The following RBMS3 variants were observed in gnomAD, a reference collection of about 807,000 sequenced individuals.
RBMS3 encodes RNA binding motif single stranded interacting protein 3.
RBMS3 carries 27 observed loss-of-function variants against 66.8 expected under a neutral mutation model. The observed-to-expected ratio is 0.40, with a 90% CI of 0.30 to 0.56. The LOEUF is 0.56. Among genes scored for constraint, RBMS3 ranks in the 20% least tolerant of loss-of-function variants. RBMS3 has a pLI of 0.40. For missense variants in RBMS3, 513 were observed against 549.5 expected (o/e 0.93, Z 0.66); for synonymous variants, 188 against 183.0 (o/e 1.03, Z -0.22).
At chr3:29,357,900 G>GT (rs150292291) in intron 1 of RBMS3, among the ~76,000 whole-genome samples, 6 of 151,784 alleles carry the variant, frequency 4.0e-5, no homozygotes, top group East Asian at 1.9e-4. Flanking sequence ...GGGGTTGTTT[G>GT]TTTTTTTTCT....
intron 6 of RBMS3, among the ~76,000 whole-genome samples, chr3:29,828,163 T>A (rs955889590): frequency 5.3e-5 from 8 of 152,142 alleles, no homozygotes; most frequent in Admixed American, 2.6e-4. Flanking sequence ...TTAGCCGTGC[T>A]GTCCTGGAAA....
chr3:29,982,810 G>A (rs544953265), intron 12 of RBMS3, among the ~76,000 whole-genome samples: 1 of 152,264 alleles, frequency 6.6e-6, no homozygotes, highest in Admixed American at 6.5e-5. Context: ...TTTTGCATTT[G>A]CTGAGGAGTG....
intron 3 of RBMS3, among the ~76,000 whole-genome samples, chr3:29,550,149 T>G (rs1029698607): frequency 1.3e-5 from 2 of 152,244 alleles, no homozygotes; most frequent in Admixed American, 1.3e-4. Flanking sequence ...GGTTCTGTTT[T>G]AGTTAGGACA....
At chr3:29,482,945 A>C (rs1283064581) in intron 2 of RBMS3, among the ~76,000 whole-genome samples, 1 of 151,630 alleles carries the variant, frequency 6.6e-6, no homozygotes, top group African/African-American at 2.4e-5. Context: ...TAACCTCGTG[A>C]TCTACCCACC....
intron 4 of RBMS3, among the ~76,000 whole-genome samples, chr3:29,708,758 A>C (rs1167391193): frequency 6.6e-6 from 1 of 152,182 alleles, no homozygotes; most frequent in Non-Finnish European, 1.5e-5. Context: ...AGGAATCATC[A>C]TAAGAAGACT....
chr3:29,693,441 A>G (rs2052124365), intron 4 of RBMS3, among the ~76,000 whole-genome samples: 1 of 152,172 alleles, frequency 6.6e-6, no homozygotes, highest in Admixed American at 6.5e-5. Flanking sequence ...GTCATGGGCA[A>G]ATATATATCT....
rs1433840752 is a variant in RBMS3, at chr3:29,369,520, ACACACACACACACT to A, written c.76-65222_76-65209del. Among the ~76,000 whole-genome samples, 1,430 of 150,040 alleles carry A rather than the reference ACACACACACACACT, an allele frequency of 9.5e-3. 24 individuals are homozygous for A. The highest frequency in any genetic ancestry group is 0.031 in the East Asian group (160 of 5,088). ...CACACACACACACACACACACACACACACACACACACACTTTGAGTGAGGGTGAGGAGGAGAGAG... is the reference window on the plus strand; with the variant it reads ...CACACACACACACACACACACACACATTGAGTGAGGGTGAGGAGGAGAGAG... On this transcript the variant is annotated intron_variant, in intron 1 of 14. Coordinates refer to ENST00000383767, the MANE Select transcript of RBMS3 (RefSeq NM_001003793.3).
chr3:29,446,879 G>A (rs1377795162), intron 2 of RBMS3, among the ~76,000 whole-genome samples: 1 of 119,740 alleles, frequency 8.4e-6, no homozygotes, highest in Admixed American at 8.2e-5. Flanking sequence ...TTTAAGGAGT[G>A]TTTCTTCAAT....
intron 3 of RBMS3, among the ~76,000 whole-genome samples, chr3:29,490,657 G>T (rs1266372614): frequency 6.6e-6 from 1 of 152,148 alleles, no homozygotes; most frequent in African/African-American, 2.4e-5. Flanking sequence ...CAAAGGAATA[G>T]ATAAGATTAC....
chr3:29,753,912 C>CT (rs2055294017), intron 5 of RBMS3, among the ~76,000 whole-genome samples: 2 of 152,018 alleles, frequency 1.3e-5, no homozygotes, highest in African/African-American at 4.8e-5. Context: ...CAGAGAGAAA[C>CT]TATTTTTTCC....
At chr3:29,780,796 C>A (rs2056604581) in intron 6 of RBMS3, among the ~76,000 whole-genome samples, 1 of 152,106 alleles carries the variant, frequency 6.6e-6, no homozygotes, top group Non-Finnish European at 1.5e-5. Context: ...TCTCACAGAA[C>A]AAGTCCCTGC....
intron 3 of RBMS3, among the ~76,000 whole-genome samples, chr3:29,499,196 G>A (rs1158605640): frequency 3.3e-5 from 5 of 152,112 alleles, no homozygotes. Flanking sequence ...TGACTCCTTA[G>A]TTTTTTAAAC....
intron 1 of RBMS3, among the ~76,000 whole-genome samples, chr3:29,393,443 C>CA (rs2039401522): frequency 6.6e-6 from 1 of 151,804 alleles, no homozygotes; most frequent in South Asian, 2.1e-4. Flanking sequence ...CACACACACA[C>CA]AATTAATTAA....
chr3:29,503,376 T>C (rs540519215), intron 3 of RBMS3, among the ~76,000 whole-genome samples: 1 of 152,242 alleles, frequency 6.6e-6, no homozygotes, highest in South Asian at 2.1e-4. Context: ...TTTACGGAAA[T>C]GTTAAGCATC....
intron 6 of RBMS3, among the ~76,000 whole-genome samples, chr3:29,833,604 A>G (rs13324890): frequency 6.6e-6 from 1 of 152,176 alleles, no homozygotes; most frequent in African/African-American, 2.4e-5. Flanking sequence ...GTGAACTTGA[A>G]GATATATCAT....
chr3:29,676,631 T>A (rs1050769017), intron 4 of RBMS3, among the ~76,000 whole-genome samples: 1 of 152,210 alleles, frequency 6.6e-6, no homozygotes, highest in East Asian at 1.9e-4. Context: ...TCATTTTATA[T>A]AATGACTGTG....
At chr3:29,605,320 C>T (rs949106161) in intron 4 of RBMS3, among the ~76,000 whole-genome samples, 2 of 151,812 alleles carry the variant, frequency 1.3e-5, no homozygotes, top group Admixed American at 6.6e-5. Context: ...AGGTTGTATA[C>T]GCTGTTAACA....
At chr3:29,692,949 G>A (rs1050871004) in intron 4 of RBMS3, among the ~76,000 whole-genome samples, 3 of 152,046 alleles carry the variant, frequency 2.0e-5, no homozygotes, top group East Asian at 3.9e-4. Flanking sequence ...TCCTTTATAT[G>A]ACCACTGTGC....
At chr3:29,502,990 C>A (rs943330840) in intron 3 of RBMS3, among the ~76,000 whole-genome samples, 3 of 152,032 alleles carry the variant, frequency 2.0e-5, no homozygotes, top group Non-Finnish European at 2.9e-5. Flanking sequence ...AGGTTAAGAC[C>A]TCTGAGGAGG....
Sources: allele counts gnomAD v4.1 joint callset (sites outside exome capture counted in the v4.1 genomes callset), GRCh38; gene constraint gnomAD v4.1.1; transcripts MANE v1.5; gene names NCBI Gene and HGNC (gene_info 2026-07-23, HGNC 2026-07-21).